The following GPD2 variants were observed in gnomAD, a reference collection of about 807,000 sequenced individuals.
GPD2 encodes the protein glycerol-3-phosphate dehydrogenase 2, also known as glycerol-3-phosphate dehydrogenase, mitochondrial.
A neutral mutation model predicts 82.4 loss-of-function variants in GPD2; 54 were observed. That is an observed-to-expected ratio of 0.66 (90% confidence interval 0.53 to 0.82). GPD2 has a LOEUF of 0.82. Among genes scored for constraint, GPD2 ranks in the 40% least tolerant of loss-of-function variants. GPD2 has a pLI of 0.00. For missense variants in GPD2, 748 were observed against 896.2 expected (o/e 0.83, Z 2.11); for synonymous variants, 288 against 306.1 (o/e 0.94, Z 0.62).
chr2:156,529,033 A>G (rs1487840598), intron 6 of GPD2, among the ~76,000 whole-genome samples: 2 of 150,660 alleles, frequency 1.3e-5, no homozygotes, highest in African/African-American at 4.9e-5. Context: ...ACAATGGTTG[A>G]ACTAGTTTAC....
At chr2:156,464,577 CTCTT>C (rs1274896091) in intron 1 of GPD2, among the ~76,000 whole-genome samples, 1 of 152,164 alleles carries the variant, frequency 6.6e-6, no homozygotes, top group Non-Finnish European at 1.5e-5. Flanking sequence ...ACTTCTTGAT[CTCTT>C]ATAACTCTCA....
chr2:156,515,068 G>A (rs575349779), intron 6 of GPD2, among the ~76,000 whole-genome samples: 3 of 152,082 alleles, frequency 2.0e-5, no homozygotes, highest in African/African-American at 7.2e-5. Context: ...GATCTATTAG[G>A]CACTAACCAA....
intron 6 of GPD2, among the ~76,000 whole-genome samples, chr2:156,526,400 A>G (rs778824860): frequency 1.5e-4 from 23 of 152,134 alleles, no homozygotes; most frequent in Non-Finnish European, 2.8e-4. Flanking sequence ...CAAATTTGCT[A>G]AAATCTGGTT....
At chr2:156,484,210 C>T (rs189006886) in intron 2 of GPD2, among the ~76,000 whole-genome samples, 73 of 152,152 alleles carry the variant, frequency 4.8e-4, no homozygotes, top group Admixed American at 4.8e-3. Context: ...TCTCGGCTCA[C>T]TGCAACCTCT....
At chr2:156,430,595 A>G (rs1271307398), upstream of GPD2, among the ~76,000 whole-genome samples, 2 of 152,162 alleles carry the variant, frequency 1.3e-5, no homozygotes, top group South Asian at 4.1e-4. Flanking sequence ...TCTTGGCTCC[A>G]TGTTTAGCTA....
chr2:156,583,219 T>C lies in GPD2; in HGVS notation c.*301T>C. On this transcript the variant is annotated 3_prime_UTR_variant, in exon 17 of 17. Transcript: ENST00000438166. Reference sequence around the variant, plus strand: ...ATGTGACACATTCTCTTTTTGTTTATTCCCTTATTCTAAATGAGTTCTAAA... The same window carrying C: ...ATGTGACACATTCTCTTTTTGTTTACTCCCTTATTCTAAATGAGTTCTAAA... 1 of 367,956 alleles carries C rather than the reference T, an allele frequency of 2.7e-6. No individual in the cohort carries two copies. Among genetic ancestry groups the C allele is most frequent in the Non-Finnish European group, 5.2e-6 (1 of 191,876 alleles). 22.8% of individuals were successfully genotyped at this position (367,956 alleles called of 1,614,324 possible).
the GPD2 span, among the ~76,000 whole-genome samples, chr2:156,423,171 T>C: frequency 6.6e-6 from 1 of 152,232 alleles, no homozygotes; most frequent in Admixed American, 6.5e-5. Context: ...AGATTTGGTT[T>C]TGAATGATCT....
At position 156,584,972 on chromosome 2, in the gene GPD2, A is replaced by C. The variant is rs922925821; in HGVS notation, c.*2054A>C. The C allele has an allele frequency of 2.0e-5, 3 of 151,976 alleles. No individual in the cohort carries two copies. Among genetic ancestry groups the C allele is most frequent in the African/African-American group, 7.2e-5 (3 of 41,420 alleles). 9.4% of individuals were successfully genotyped at this position (151,976 alleles called of 1,614,324 possible). The stretch of plus-strand genomic sequence containing the variant: ...CCGGGCAGATCTGTGTTTGTTAAAC[A>C]GGCCTTGTTTGTGCATGCTTTGCTA... On this transcript the variant is annotated 3_prime_UTR_variant, in exon 17 of 17. Coordinates refer to ENST00000438166, the MANE Select transcript of GPD2 (RefSeq NM_000408.5).
At chr2:156,512,684 A>G (rs972946778) in intron 5 of GPD2, among the ~76,000 whole-genome samples, 1 of 152,222 alleles carries the variant, frequency 6.6e-6, no homozygotes, top group African/African-American at 2.4e-5. Flanking sequence ...AAATGTAAAC[A>G]TACCACATAC....
chr2:156,493,815 T>G (rs1292795683), intron 2 of GPD2, among the ~76,000 whole-genome samples: 1 of 152,066 alleles, frequency 6.6e-6, no homozygotes. Context: ...CTGGCGCAAT[T>G]GAAACCCTCA....
chr2:156,429,300 C>G, the GPD2 span, among the ~76,000 whole-genome samples: 2 of 152,190 alleles, frequency 1.3e-5, no homozygotes, highest in Non-Finnish European at 2.9e-5. Context: ...GCTGAATTCT[C>G]TATTTTGTTT....
chr2:156,402,832 A>T, the GPD2 span, among the ~76,000 whole-genome samples: 2 of 152,062 alleles, frequency 1.3e-5, no homozygotes, highest in Non-Finnish European at 2.9e-5. Context: ...ATTCTTAAAT[A>T]TTGTTTTTAA....
chr2:156,499,127 TAAAC>T (rs1243941692), intron 3 of GPD2, among the ~76,000 whole-genome samples: 4 of 152,146 alleles, frequency 2.6e-5, no homozygotes, highest in Admixed American at 6.6e-5. Context: ...GAGCTACTCT[TAAAC>T]AAATACGAGG....
chr2:156,471,177 G>T (rs559623125), intron 1 of GPD2, among the ~76,000 whole-genome samples: 12 of 152,162 alleles, frequency 7.9e-5, no homozygotes, highest in Non-Finnish European at 1.6e-4. Flanking sequence ...TCGGTTGTCA[G>T]GTCTTGTCAT....
rs200015844 is a variant in GPD2 at position 156,496,232 on chromosome 2, T to A, written c.274+17T>A. 2.5e-4 allele frequency: 389 copies of A among 1,558,824 alleles called. 1 individual carries two copies. The East Asian group carries it at 5.5e-3, about 22-fold the overall frequency. ...TCACCAGAGGTAAGTCTTTTTTTTT[T>A]TTATTTTAATTTTAAGTTCTGGGGT... On this transcript the variant is annotated intron_variant, in intron 3 of 16. Transcript: ENST00000438166.
Position 156,583,344 on chromosome 2 carries a change from C to T in GPD2, c.*426C>T. On this transcript the variant is annotated 3_prime_UTR_variant, in exon 17 of 17. Transcript: ENST00000438166. The stretch of plus-strand genomic sequence containing the variant: ...AAAAAGAGTTGCCTATTGAAATGAT[C>T]ATGTTTCTGGAGAAATTAAGCTTAT... 4.4e-6 allele frequency: 1 copy of T among 227,154 alleles called. No individual in the cohort carries two copies. The highest frequency in any genetic ancestry group is 8.9e-6 in the Non-Finnish European group (1 of 112,278). The allele number at this position is 227,154 out of a possible 1,614,324, so 14.1% of individuals were successfully genotyped here.
rs1573959864 is a variant in GPD2 at position 156,523,317 on chromosome 2, A to G, written c.661+9821A>G. Among the ~76,000 whole-genome samples, 4 of 152,264 alleles carry G rather than the reference A, an allele frequency of 2.6e-5. No homozygotes were observed. In the South Asian group the frequency reaches 8.3e-4, roughly 32 times the overall value. ...GTCTCCAGAGTTGTGCCTTTCCCAG[A>G]ATGACATGTAGTTGGAATCCTACAG... is the stretch of plus-strand genomic sequence containing the variant. On this transcript the variant is annotated intron_variant, in intron 6 of 16. Coordinates refer to ENST00000438166, the MANE Select transcript of GPD2 (RefSeq NM_000408.5).
intron 1 of GPD2, among the ~76,000 whole-genome samples, chr2:156,457,705 G>GGCC (rs1682834614): frequency 6.6e-6 from 1 of 152,170 alleles, no homozygotes; most frequent in East Asian, 1.9e-4. Context: ...GCAGGGTTGT[G>GGCC]GCCCGATGGA....
upstream of GPD2, chr2:156,435,263 A>G (rs1688391846): frequency 6.6e-6 from 1 of 152,060 alleles, no homozygotes. Flanking sequence ...TCTCCTGGAT[A>G]TTTTCCAATA....
Sources: allele counts gnomAD v4.1 joint callset (sites outside exome capture counted in the v4.1 genomes callset), GRCh38; gene constraint gnomAD v4.1.1; transcripts MANE v1.5; gene names NCBI Gene and HGNC (gene_info 2026-07-23, HGNC 2026-07-21).